The following CAPN8 variants were observed in gnomAD, a reference collection of about 807,000 sequenced individuals.
CAPN8 encodes the protein calpain 8, also known as calpain-8.
A neutral mutation model predicts 80.9 loss-of-function variants in CAPN8; 87 were observed. That is an observed-to-expected ratio of 1.07 (90% CI 0.90 to 1.28). The LOEUF is 1.28. Ranked by LOEUF, CAPN8 falls within the 50% of genes most tolerant of loss-of-function variation. CAPN8 has a pLI of 0.00. For synonymous variants in CAPN8, 299 were observed against 273.8 expected, an observed-to-expected ratio of 1.09 and a Z score of -0.91; for missense variants, 757 against 702.0, an observed-to-expected ratio of 1.08 and a Z score of -0.89.
chr1:223,550,107 C>T (rs1225799291), intron 15 of CAPN8, among the ~76,000 whole-genome samples: 2 of 152,198 alleles, frequency 1.3e-5, no homozygotes, highest in Non-Finnish European at 2.9e-5. Context: ...CTGGCCTCCA[C>T]CCTCACCTTC....
At chr1:223,652,479 C>T (rs1385553844) in intron 2 of CAPN8, among the ~76,000 whole-genome samples, 3 of 152,188 alleles carry the variant, frequency 2.0e-5, no homozygotes, top group Admixed American at 6.5e-5. Flanking sequence ...TCAACAAGTG[C>T]TGTGTGCTGC....
rs185848851 is a variant in CAPN8 at position 223,620,819 on chromosome 1, G to A, written c.900-553C>T. Among the ~76,000 whole-genome samples the A allele has an allele frequency of 3.9e-5, 6 of 152,296 alleles. No homozygotes were observed. In the East Asian group the frequency reaches 1.2e-3, roughly 29 times the overall value. On this transcript the variant is annotated intron_variant, in intron 7 of 20. Coordinates refer to ENST00000366872, the MANE Select transcript of CAPN8 (RefSeq NM_001143962.2). ...AATTTCCCAGAAGAAACGTCACCCTGTGAGACCTCCTGCTGGTGGCCTTTC... is the reference window on the plus strand; with the variant it reads ...AATTTCCCAGAAGAAACGTCACCCTATGAGACCTCCTGCTGGTGGCCTTTC...
intron 14 of CAPN8, among the ~76,000 whole-genome samples, chr1:223,552,240 A>G (rs1656806499): frequency 6.6e-6 from 1 of 152,192 alleles, no homozygotes; most frequent in Non-Finnish European, 1.5e-5. Flanking sequence ...GCCTCACCCC[A>G]GCACAGAGTG....
intron 19 of CAPN8, among the ~76,000 whole-genome samples, chr1:223,543,814 C>T (rs1656538738): frequency 2.6e-5 from 4 of 152,232 alleles, no homozygotes; most frequent in Admixed American, 2.0e-4. Context: ...GCGCAATAGT[C>T]TGGATGGCAG....
chr1:223,547,261 T>C (rs1656649160), intron 16 of CAPN8, among the ~76,000 whole-genome samples: 2 of 152,056 alleles, frequency 1.3e-5, no homozygotes, highest in South Asian at 2.1e-4. Flanking sequence ...TGAAAGACTG[T>C]ATTTTTAAAC....
intron 2 of CAPN8, among the ~76,000 whole-genome samples, chr1:223,640,024 G>A (rs1490950233): frequency 1.3e-5 from 2 of 152,156 alleles, no homozygotes; most frequent in Non-Finnish European, 2.9e-5. Flanking sequence ...ATTTCGGGAA[G>A]AGTCCCTCCT....
rs190317352 is a variant in CAPN8 at position 223,611,140 on chromosome 1, A to G, written c.1323+1106T>C. ...CACCTCTCTCTCATATAAATGGGGC[A>G]TTTCTGATGGGAACCACCATCACCC... On this transcript the variant is annotated intron_variant, in intron 11 of 20. Transcript: ENST00000366872. Among the ~76,000 whole-genome samples, 220 of 152,310 alleles carry G rather than the reference A, an allele frequency of 1.4e-3. 1 individual carries two copies. The highest frequency in any genetic ancestry group is 5.1e-3 in the African/African-American group (214 of 41,566).
chr1:223,662,747 C>A (rs1658681018), intron 1 of CAPN8, among the ~76,000 whole-genome samples: 1 of 152,178 alleles, frequency 6.6e-6, no homozygotes, highest in Non-Finnish European at 1.5e-5. Context: ...TTTCTGGATA[C>A]CCTGATCTCT....
intron 6 of CAPN8, 94 bp downstream of exon 6, chr1:223,625,711 C>T (rs1475674991): frequency 3.5e-6 from 4 of 1,140,392 alleles, no homozygotes; most frequent in Non-Finnish European, 3.8e-6. Context: ...TCCGAACCTT[C>T]TAGTAGTAAT....
intron 2 of CAPN8, among the ~76,000 whole-genome samples, chr1:223,645,542 G>A (rs1451163680): frequency 6.6e-6 from 1 of 152,202 alleles, no homozygotes; most frequent in Admixed American, 6.5e-5. Context: ...ACGAGCCTAA[G>A]CCAAGTCTGA....
intron 14 of CAPN8, among the ~76,000 whole-genome samples, chr1:223,552,559 CAAA>C (rs1167143421): frequency 0.01 from 674 of 65,638 alleles, 8 homozygotes; most frequent in African/African-American, 0.034. Flanking sequence ...CAGTCCATCT[CAAA>C]AAAAAAAAAA....
chr1:223,642,484 G>A (rs534693939), intron 2 of CAPN8, among the ~76,000 whole-genome samples: 10 of 152,310 alleles, frequency 6.6e-5, no homozygotes, highest in South Asian at 6.2e-4. Context: ...TGATAGCAGC[G>A]TAGAGGCAGC....
chr1:223,649,360 C>T (rs184466042), intron 2 of CAPN8, among the ~76,000 whole-genome samples: 11 of 152,332 alleles, frequency 7.2e-5, no homozygotes, highest in Admixed American at 6.5e-4. Context: ...CTGTGAGAAA[C>T]AGGCTTACTC....
intron 11 of CAPN8, among the ~76,000 whole-genome samples, chr1:223,610,593 T>C (rs1657006491): frequency 6.6e-6 from 1 of 152,078 alleles, no homozygotes; most frequent in Non-Finnish European, 1.5e-5. Context: ...CTAATTTGTC[T>C]TGGGTTGGGA....
Position 223,621,058 on chromosome 1 carries a change from C to G in CAPN8, c.900-792G>C, listed in dbSNP as rs552513180. On this transcript the variant is annotated intron_variant, in intron 7 of 20. Coordinates refer to ENST00000366872, the MANE Select transcript of CAPN8 (RefSeq NM_001143962.2). ...AGAGCTGGGGCACACTCCAGCGCAG[C>G]CTCTTCCTCCAAGCCAGGCTTTAAG... Among the ~76,000 whole-genome samples, 6 of 152,130 alleles carry G rather than the reference C, an allele frequency of 3.9e-5. No individual in the cohort carries two copies. In the South Asian group the frequency reaches 6.2e-4, roughly 16 times the overall value.
intron 2 of CAPN8, among the ~76,000 whole-genome samples, chr1:223,629,882 G>A (rs1657723263): frequency 6.6e-6 from 1 of 152,124 alleles, no homozygotes; most frequent in South Asian, 2.1e-4. Context: ...AGTCCTACCT[G>A]TGCATCTTAG....
chr1:223,665,684 T>A lies in CAPN8; in HGVS notation c.-38A>T. On this transcript the variant is annotated 5_prime_UTR_variant, in exon 1 of 21. Transcript: ENST00000366872. ...TGTAGGGTGGACAGAAGGGCAGGGC[T>A]GCACTGTACTCTCAGACACCTGCTC... 1 of 1,490,354 alleles carries A rather than the reference T, an allele frequency of 6.7e-7. No homozygotes were observed. The allele number at this position is 1,490,354 out of a possible 1,614,324, so 92.3% of individuals were successfully genotyped here.
rs1367323268 is a variant in CAPN8, at chr1:223,541,770, G to A, written c.*66C>T. 36 of 1,551,024 alleles carry A rather than the reference G, an allele frequency of 2.3e-5. No individual in the cohort carries two copies. The highest frequency in any genetic ancestry group is 8.7e-7 in the Non-Finnish European group (1 of 1,146,790). ...CTGGAGCATAAATGTTCACAAAATT[G>A]TAGAGAAGGGGTGACAAGAAGCAAG... On this transcript the variant is annotated 3_prime_UTR_variant, in exon 21 of 21. Coordinates refer to ENST00000366872, the MANE Select transcript of CAPN8 (RefSeq NM_001143962.2).
At chr1:223,543,255 C>T (rs951838526) in intron 19 of CAPN8, 89 bp from the exon 20 acceptor site, 4 of 1,446,218 alleles carry the variant, frequency 2.8e-6, no homozygotes, top group Non-Finnish European at 1.9e-6. Context: ...ACCCCATCCC[C>T]ACCTGCGGAA....
Sources: allele counts gnomAD v4.1 joint callset (sites outside exome capture counted in the v4.1 genomes callset), GRCh38; gene constraint gnomAD v4.1.1; transcripts MANE v1.5; gene names NCBI Gene and HGNC (gene_info 2026-07-23, HGNC 2026-07-21).